Variants in ITLN2 observed in about 807,000 individuals in gnomAD.
ITLN2 encodes the protein intelectin-2.
Under a neutral mutation model 39.4 loss-of-function variants are expected in ITLN2, and 29 were observed. The observed-to-expected ratio is 0.74, with a 90% CI of 0.55 to 1.00. The LOEUF (loss-of-function observed/expected upper bound fraction) is 1.00, where lower values mean the gene tolerates loss of function less well. ITLN2 is among the 50% of genes least tolerant of loss of function. The pLI is 0.00. For missense variants in ITLN2, 412 were observed against 416.7 expected, an observed-to-expected ratio of 0.99 and a Z score of 0.10; for synonymous variants, 156 against 153.4, an observed-to-expected ratio of 1.02 and a Z score of -0.12.
In ITLN2 at chr1:160,950,535, G is replaced by A; in HGVS notation, c.600+18C>T. 6.2e-7 allele frequency: 1 copy of A among 1,610,636 alleles called. No homozygotes were observed. Among genetic ancestry groups the A allele is most frequent in the Non-Finnish European group, 8.5e-7 (1 of 1,178,022 alleles). On this transcript the variant is annotated intron_variant, in intron 5 of 7. Transcript: ENST00000368029. ...TGTTCACCAAAGAAAGTGCCCCCCA[G>A]CCAGCAGCCCTGTGTACCTGGTAGA...
chr1:160,954,551 A>T, intron 1 of ITLN2, 101 bp from the exon 2 acceptor site: 1 of 1,243,688 alleles, frequency 8.0e-7, no homozygotes, highest in South Asian at 1.3e-5. Context: ...CCTCAAATGG[A>T]AAGTGATGGG....
intron 6 of ITLN2, chr1:160,948,644 T>C (rs1671660944): frequency 6.6e-6 from 1 of 151,468 alleles, no homozygotes; most frequent in Non-Finnish European, 1.5e-5. Flanking sequence ...TTTTTTTTTT[T>C]TGACAGGGTT....
chr1:160,946,583 G>A (rs1233304811), intron 7 of ITLN2, among the ~76,000 whole-genome samples: 2 of 150,204 alleles, frequency 1.3e-5, no homozygotes, highest in Non-Finnish European at 1.5e-5. Context: ...CGTGGTGGTG[G>A]GCCCCTGTAG....
chr1:160,952,898 C>T (rs1295809635), intron 2 of ITLN2, among the ~76,000 whole-genome samples, 165 bp from the exon 3 acceptor site: 1 of 152,212 alleles, frequency 6.6e-6, no homozygotes, highest in East Asian at 1.9e-4. Context: ...ATAGGTTAAA[C>T]ACCTGGAATC....
Position 160,952,691 on chromosome 1 carries a change from GT to G in ITLN2, c.121del (p.Thr41ProfsTer44). 6.2e-7 allele frequency: 1 copy of G among 1,614,124 alleles called. No individual in the cohort carries two copies. The highest frequency in any genetic ancestry group is 8.5e-7 in the Non-Finnish European group (1 of 1,179,988). The part of the protein sequence containing the change: ...SLEMLSREFE[T>X]CAFSFSSLPR... ...CAGGGAAGAAAAGGAGAAGGCACAG[GT>G]TTCGAATTCCCTCGAGAGCATCTCA... On this transcript the variant is annotated frameshift_variant, in exon 3 of 8. Coordinates refer to ENST00000368029, the MANE Select transcript of ITLN2 (RefSeq NM_080878.3). LOFTEE classifies it high-confidence loss of function.
Position 160,950,677 on chromosome 1 carries a change from A to G in ITLN2, c.476T>C (p.Leu159Pro). The G allele has an allele frequency of 6.2e-7, 1 of 1,614,122 alleles. No individual in the cohort carries two copies. Among genetic ancestry groups the G allele is most frequent in the Non-Finnish European group, 8.5e-7 (1 of 1,179,976 alleles). ...CTTGTTGGGCACATGCCAGATGCCCAGGTCCTTGGCCTGGATGTCGTAGTA... is the reference window on the plus strand; with the variant it reads ...CTTGTTGGGCACATGCCAGATGCCCGGGTCCTTGGCCTGGATGTCGTAGTA... Reference protein sequence around the residue: ...PGYYDIQAKDLGIWHVPNKSP... With the variant: ...PGYYDIQAKDPGIWHVPNKSP... Residue 159 changes from leucine (L) to proline (P), a missense_variant, in exon 5 of 8, where the codon CTG (leucine) becomes CCG (proline). Transcript: ENST00000368029.
At position 160,952,291 on chromosome 1, in the gene ITLN2, A is replaced by G. The variant is rs1240510696; in HGVS notation, c.193+329T>C. Among the ~76,000 whole-genome samples, 10 of 152,240 alleles carry G rather than the reference A, an allele frequency of 6.6e-5. No individual in the cohort carries two copies. The East Asian group carries it at 1.5e-3, about 23-fold the overall frequency. On this transcript the variant is annotated intron_variant, in intron 3 of 7. Transcript: ENST00000368029. The stretch of plus-strand genomic sequence containing the variant: ...CTGGCTACTGCTATTTCTGTGATTA[A>G]TAAAGCTCTTTGTCTCTGGCTCGGG...
In ITLN2 at chr1:160,951,064, C is replaced by T. The variant is rs200656541; in HGVS notation, c.420G>A (p.Ala140=). ...ANYNTFGSAE[A]ATSDDYKNPG... ...CAACCTTGTAGTCATCGCTCGTGGC[C>T]GCCTCTGCAGATCCAAAGGTGTTGT... The change falls in exon 4 of 8, where the codon GCG becomes GCA. Residue 140 remains alanine, a synonymous_variant. Coordinates refer to ENST00000368029, the MANE Select transcript of ITLN2 (RefSeq NM_080878.3). The T allele has an allele frequency of 6.4e-5, 104 of 1,614,200 alleles. No individual in the cohort carries two copies. The highest frequency in any genetic ancestry group is 1.8e-4 in the Admixed American group (11 of 60,028).
At chr1:160,954,571 A>G in intron 1 of ITLN2, 121 bp from the exon 2 acceptor site, 3 of 1,207,212 alleles carry the variant, frequency 2.5e-6, no homozygotes, top group Non-Finnish European at 3.6e-6. Context: ...GCTCATGAGC[A>G]TTCTAAAACC....
chr1:160,954,333 C>G, intron 2 of ITLN2, 54 bp downstream of exon 2: 1 of 1,328,608 alleles, frequency 7.5e-7, no homozygotes, highest in Non-Finnish European at 1.1e-6. Context: ...CCAGGCCCTG[C>G]ACAGCAGAGG....
In ITLN2 at chr1:160,947,974, G is replaced by A. The variant is rs781228362; in HGVS notation, c.780C>T (p.Asn260=). Residue 260 remains asparagine (N), a synonymous_variant, in exon 7 of 8, where the codon AAC becomes AAT. Transcript: ENST00000368029. ...FRVFNNERAA[N]ALCAGIKVTG... ...TAACTTTTATCCCAGCACAAAGGGC[G>A]TTGGCTGCTCTCTCGTTATTAAACA... The A allele has an allele frequency of 2.2e-5, 35 of 1,613,862 alleles. No individual in the cohort carries two copies. The highest frequency in any genetic ancestry group is 1.6e-4 in the Middle Eastern group (1 of 6,084).
intron 7 of ITLN2, among the ~76,000 whole-genome samples, chr1:160,947,084 G>A (rs1328506057): frequency 6.6e-6 from 1 of 152,186 alleles, no homozygotes; most frequent in Non-Finnish European, 1.5e-5. Flanking sequence ...AGTATTTATT[G>A]ATCATTATTT....
intron 7 of ITLN2, 25 bp from the exon 8 acceptor site, chr1:160,945,317 TG>T: frequency 2.6e-6 from 4 of 1,516,134 alleles, no homozygotes; most frequent in Non-Finnish European, 2.6e-6. Context: ...GAAGAAACAC[TG>T]TGAGGAATTT....
chr1:160,953,036 C>T (rs1247197977), intron 2 of ITLN2, among the ~76,000 whole-genome samples: 1 of 152,210 alleles, frequency 6.6e-6, no homozygotes, highest in Admixed American at 6.5e-5. Flanking sequence ...AGGGACCCAA[C>T]TGAGATGGGA....
In ITLN2 at chr1:160,951,615, G is replaced by A. The variant is rs557100398; in HGVS notation, c.194-325C>T. 2.3e-5 allele frequency: 6 copies of A among 263,620 alleles called. No individual in the cohort carries two copies. The South Asian group carries it at 3.7e-4, about 16-fold the overall frequency. 16.3% of individuals were successfully genotyped at this position (263,620 alleles called of 1,614,324 possible). A position where few individuals can be genotyped will look rare whatever the true frequency, so the allele number is the denominator to read the frequency against. On this transcript the variant is annotated intron_variant, in intron 3 of 7. Coordinates refer to ENST00000368029, the MANE Select transcript of ITLN2 (RefSeq NM_080878.3). The stretch of plus-strand genomic sequence containing the variant: ...CACGCCACATCTGATTCTACAGCAG[G>A]ATAGGGCCTCTGTGCAGCTCAGAGC...
Position 160,950,578 on chromosome 1 carries a change from C to A in ITLN2, c.575G>T (p.Gly192Val). Reference protein sequence around the residue: ...RTNTGFLQRLGHNLFGIYQKY... With the variant: ...RTNTGFLQRLVHNLFGIYQKY... Reference sequence around the variant, plus strand: ...CTGGTAGATGCCAAACAGATTATGTCCCAGTCTCTGGAGGAAGCCAGTGTT... The same window carrying A: ...CTGGTAGATGCCAAACAGATTATGTACCAGTCTCTGGAGGAAGCCAGTGTT... Residue 192 changes from glycine (G) to valine (V), a missense_variant, in exon 5 of 8, where the codon GGA becomes GTA. Transcript: ENST00000368029. 6.2e-7 allele frequency: 1 copy of A among 1,614,158 alleles called. No homozygotes were observed. Among genetic ancestry groups the A allele is most frequent in the Non-Finnish European group, 8.5e-7 (1 of 1,179,994 alleles).
chr1:160,949,942 A>T, intron 6 of ITLN2, 104 bp downstream of exon 6: 1 of 1,018,934 alleles, frequency 9.8e-7, no homozygotes, highest in Non-Finnish European at 1.5e-6. Flanking sequence ...GGTGCATTTT[A>T]AGTGCTCAGT....
intron 3 of ITLN2, among the ~76,000 whole-genome samples, chr1:160,951,867 A>AC (rs1671753951): frequency 6.6e-6 from 1 of 151,788 alleles, no homozygotes; most frequent in South Asian, 2.1e-4. Context: ...GTCACTTCTC[A>AC]CCCCCCTTCC....
At chr1:160,945,863 G>A (rs1671589337) in intron 7 of ITLN2, among the ~76,000 whole-genome samples, 1 of 152,008 alleles carries the variant, frequency 6.6e-6, no homozygotes, top group Admixed American at 6.6e-5. Flanking sequence ...CTACAAGACT[G>A]GAAAAACAAT....
Sources: allele counts gnomAD v4.1 joint callset (sites outside exome capture counted in the v4.1 genomes callset), GRCh38; gene constraint gnomAD v4.1.1; transcripts MANE v1.5; gene names NCBI Gene and HGNC (gene_info 2026-07-23, HGNC 2026-07-21).